The following GRIA1 variants were observed in gnomAD, a reference collection of about 807,000 sequenced individuals.
The protein encoded by GRIA1 is glutamate receptor 1.
A neutral mutation model predicts 99.2 loss-of-function variants in GRIA1; 31 were observed. The ratio of observed to expected loss-of-function variants is 0.31; its 90% CI spans 0.23 to 0.42. GRIA1 has a LOEUF of 0.42. Ranked by LOEUF, GRIA1 falls within the 10% of genes least tolerant of loss-of-function variation. The pLI, the probability that GRIA1 is intolerant of heterozygous loss-of-function variation, is 1.00. For missense variants in GRIA1, 782 were observed against 1,157.5 expected, an observed-to-expected ratio of 0.68 and a Z score of 4.71; for synonymous variants, 438 against 432.4, an observed-to-expected ratio of 1.01 and a Z score of -0.16.
At chr5:153,802,157 CAT>C (rs1294028064) in intron 14 of GRIA1, among the ~76,000 whole-genome samples, 197 bp from the exon 15 acceptor site, 3 of 152,102 alleles carry the variant, frequency 2.0e-5, no homozygotes, top group Non-Finnish European at 4.4e-5. Context: ...TGTATAAATA[CAT>C]ATACACACAC....
At chr5:153,706,863 G>A (rs1758931951) in intron 11 of GRIA1, among the ~76,000 whole-genome samples, 1 of 152,208 alleles carries the variant, frequency 6.6e-6, no homozygotes, top group South Asian at 2.1e-4. Context: ...GGGAGGCCAA[G>A]GCAGGTGGAT....
intron 4 of GRIA1, among the ~76,000 whole-genome samples, chr5:153,655,252 G>A (rs934521810): frequency 5.9e-5 from 9 of 152,098 alleles, no homozygotes; most frequent in African/African-American, 1.7e-4. Context: ...TAACTGATTC[G>A]GGGAGGAAGG....
At chr5:153,607,998 G>A (rs1374561782) in intron 2 of GRIA1, among the ~76,000 whole-genome samples, 3 of 151,932 alleles carry the variant, frequency 2.0e-5, no homozygotes, top group Admixed American at 1.3e-4. Context: ...GCATCAAAAT[G>A]TCTTTATTTT....
At chr5:153,618,648 C>T (rs1385035083) in intron 2 of GRIA1, among the ~76,000 whole-genome samples, 1 of 152,112 alleles carries the variant, frequency 6.6e-6, no homozygotes, top group Admixed American at 6.5e-5. Context: ...CCTACCACCT[C>T]AAGAATCCCT....
intron 2 of GRIA1, among the ~76,000 whole-genome samples, chr5:153,514,946 T>A (rs1756470611): frequency 6.6e-6 from 1 of 151,836 alleles, no homozygotes; most frequent in Non-Finnish European, 1.5e-5. Flanking sequence ...ATCAAAAAGA[T>A]GAAAAAAAGC....
At chr5:153,753,049 T>C (rs1336009451) in intron 11 of GRIA1, among the ~76,000 whole-genome samples, 1 of 152,184 alleles carries the variant, frequency 6.6e-6, no homozygotes, top group Non-Finnish European at 1.5e-5. Flanking sequence ...CTCAATCCTA[T>C]AACCACAAGG....
intron 11 of GRIA1, among the ~76,000 whole-genome samples, chr5:153,730,680 G>A (rs6580031): frequency 0.53 from 80,561 of 151,906 alleles, 22,379 homozygotes; most frequent in East Asian, 0.94. Flanking sequence ...TTTCCTTTTG[G>A]ACTGTTTAAT....
chr5:153,737,062 A>T (rs1761426467), intron 11 of GRIA1, among the ~76,000 whole-genome samples: 1 of 152,158 alleles, frequency 6.6e-6, no homozygotes, highest in East Asian at 1.9e-4. Context: ...TCAGGGATGT[A>T]TTGGGTTAGG....
chr5:153,499,627 A>AAAC (rs1337800372), intron 2 of GRIA1, among the ~76,000 whole-genome samples: 1 of 150,668 alleles, frequency 6.6e-6, no homozygotes, highest in African/African-American at 2.4e-5. Flanking sequence ...AAAAAAAAAA[A>AAAC]AAAAAAAAAA....
Position 153,650,338 on chromosome 5 carries a change from G to A in GRIA1, c.469G>A (p.Val157Ile), listed in dbSNP as rs371725726. ...ACTCATCTGAACTTTAGGCTTATCC[G>A]TCCTGCAGAAAGTCCTGGATACAGC... is the stretch of plus-strand genomic sequence containing the variant. Reference protein sequence around the residue: ...YIYDADRGLSVLQKVLDTAAE... With the variant: ...YIYDADRGLSILQKVLDTAAE... Residue 157 changes from valine to isoleucine, a missense_variant, in exon 4 of 16, where the codon GTC becomes ATC. Physicochemically the swap from Val to Ile is conservative, Grantham distance 29 (BLOSUM62 3). Around this residue, in one of 5 missense-constraint regions of GRIA1, gnomAD observed 461 missense variants for 521.7 expected, o/e 0.88. Coordinates refer to ENST00000285900, the MANE Select transcript of GRIA1 (RefSeq NM_000827.4). 4.6e-5 allele frequency: 75 copies of A among 1,613,514 alleles called. No homozygotes were observed. Among genetic ancestry groups the A allele is most frequent in the East Asian group, 4.5e-4 (20 of 44,856 alleles).
intron 11 of GRIA1, among the ~76,000 whole-genome samples, chr5:153,757,324 A>G (rs550612273): frequency 2.6e-5 from 4 of 152,320 alleles, no homozygotes; most frequent in African/African-American, 9.6e-5. Context: ...AAGAGCAAAT[A>G]TTTGGGTCAT....
chr5:153,575,772 C>T (rs1762478649), intron 2 of GRIA1, among the ~76,000 whole-genome samples: 1 of 152,192 alleles, frequency 6.6e-6, no homozygotes. Context: ...GCACTCTGTT[C>T]TCTGGTTCTT....
intron 12 of GRIA1, among the ~76,000 whole-genome samples, chr5:153,766,119 C>A (rs1339792582): frequency 6.6e-6 from 1 of 152,138 alleles, no homozygotes; most frequent in Non-Finnish European, 1.5e-5. Context: ...GGGAACAAAG[C>A]CTTAAGCATC....
intron 10 of GRIA1, among the ~76,000 whole-genome samples, chr5:153,704,091 C>A (rs1480817986): frequency 6.6e-6 from 1 of 152,222 alleles, no homozygotes; most frequent in Non-Finnish European, 1.5e-5. Flanking sequence ...TTTCTTTCTA[C>A]AAGTGAAAAC....
chr5:153,802,565 A>G, intron 15 of GRIA1, 75 bp downstream of exon 15: 1 of 1,464,746 alleles, frequency 6.8e-7, no homozygotes, highest in Admixed American at 1.7e-5. Context: ...TCCCTTTGCT[A>G]GAAAGGGTGG....
At chr5:153,511,776 T>G (rs903660365) in intron 2 of GRIA1, among the ~76,000 whole-genome samples, 1 of 152,224 alleles carries the variant, frequency 6.6e-6, no homozygotes, top group African/African-American at 2.4e-5. Context: ...TGTCAATTTT[T>G]GGAGCCAGTC....
chr5:153,720,635 A>G (rs1239987197), intron 11 of GRIA1, among the ~76,000 whole-genome samples: 1 of 152,224 alleles, frequency 6.6e-6, no homozygotes, highest in Non-Finnish European at 1.5e-5. Context: ...TGAATGGGTC[A>G]TGGTGTGTAT....
intron 2 of GRIA1, among the ~76,000 whole-genome samples, chr5:153,584,307 G>A (rs1294980150): frequency 6.6e-6 from 1 of 152,146 alleles, no homozygotes; most frequent in Non-Finnish European, 1.5e-5. Context: ...ATCCTCTCTT[G>A]GGTTAGCATG....
At chr5:153,570,696 G>A (rs971559909) in intron 2 of GRIA1, among the ~76,000 whole-genome samples, 5 of 152,040 alleles carry the variant, frequency 3.3e-5, no homozygotes, top group Admixed American at 6.6e-5. Context: ...TCCAAGCCTC[G>A]GTTTTCTCAT....
Sources: allele counts gnomAD v4.1 joint callset (sites outside exome capture counted in the v4.1 genomes callset), GRCh38; gene constraint gnomAD v4.1.1; regional missense constraint gnomAD v4.1.1; transcripts MANE v1.5; gene names NCBI Gene and HGNC (gene_info 2026-07-23, HGNC 2026-07-21).